The following PLXNA2 variants were observed in gnomAD, a reference collection of about 807,000 sequenced individuals.
PLXNA2 encodes plexin A2, also known as plexin-A2.
In PLXNA2, 91 loss-of-function variants were observed where a neutral mutation model predicts 193.5. That is an observed-to-expected ratio of 0.47 (90% CI 0.40 to 0.56). PLXNA2 has a LOEUF of 0.56. Among genes scored for constraint, PLXNA2 ranks in the 20% least tolerant of loss-of-function variants. PLXNA2 has a pLI of 0.00. For missense variants in PLXNA2, 1,995 were observed against 2,503.2 expected (o/e 0.80, Z 4.33); for synonymous variants, 997 against 1,027.3 (o/e 0.97, Z 0.56).
At chr1:208,205,529 C>A (rs1670689668) in intron 3 of PLXNA2, among the ~76,000 whole-genome samples, 1 of 152,208 alleles carries the variant, frequency 6.6e-6, no homozygotes, top group Admixed American at 6.5e-5. Context: ...AAGCCCACAC[C>A]CAGGGGACCT....
intron 4 of PLXNA2, among the ~76,000 whole-genome samples, chr1:208,141,991 G>A (rs1046009083): frequency 1.3e-5 from 2 of 152,170 alleles, no homozygotes; most frequent in African/African-American, 2.4e-5. Flanking sequence ...CACCTCTTTG[G>A]CTCCCTTGAG....
intron 4 of PLXNA2, among the ~76,000 whole-genome samples, chr1:208,120,660 T>C (rs1384378489): frequency 6.6e-6 from 1 of 152,230 alleles, no homozygotes; most frequent in Non-Finnish European, 1.5e-5. Context: ...TGCCTTTATG[T>C]AGTGCATTTC....
rs778662912 is a variant in PLXNA2, at chr1:208,054,438, G to C, written c.2839C>G (p.Gln947Glu). 6.2e-7 allele frequency: 1 copy of C among 1,613,764 alleles called. No individual in the cohort carries two copies. Among genetic ancestry groups the C allele is most frequent in the Non-Finnish European group, 8.5e-7 (1 of 1,179,602 alleles). ...CKPEFMTKSH[Q>E]QYTFVNPSVL... ...GTACTCACCACGAAGGTGTACTGCT[G>C]ATGGGACTTCGTCATGAACTCTGGC... is the stretch of plus-strand genomic sequence containing the variant. The change falls in exon 14 of 32, where the codon CAG (glutamine) becomes GAG (glutamate). Residue 947 changes from glutamine to glutamate, a missense_variant. By Grantham distance (29) the Gln-to-Glu change is conservative (BLOSUM62 2). This residue lies in a region of PLXNA2 where 1,291 missense variants were observed against 1,673.6 expected (regional missense o/e 0.77). Transcript: ENST00000367033.
intron 3 of PLXNA2, among the ~76,000 whole-genome samples, chr1:208,176,995 C>T (rs1259238290): frequency 7.1e-6 from 1 of 141,684 alleles, no homozygotes. Flanking sequence ...TGGCCTTTTG[C>T]CTCTTTCACA....
At chr1:208,170,710 C>T (rs543039926) in intron 3 of PLXNA2, among the ~76,000 whole-genome samples, 278 of 152,296 alleles carry the variant, frequency 1.8e-3, no homozygotes, top group Non-Finnish European at 2.6e-3. Flanking sequence ...TCAAAAATTG[C>T]CTTTTACCCT....
chr1:208,031,544 AGGCCTCT>A lies in PLXNA2; in HGVS notation c.5225+39_5225+45del, dbSNP rs760193124. On this transcript the variant is annotated intron_variant, in intron 29 of 31. Coordinates refer to ENST00000367033, the MANE Select transcript of PLXNA2 (RefSeq NM_025179.4). ...CCTGGTCCTCATCCCTCTTAGCTCC[AGGCCTCT>A]CCAGGCTGCACCTCCTGCTGAGCTC... The A allele has an allele frequency of 2.5e-6, 4 of 1,606,974 alleles. No homozygotes were observed. In the South Asian group the frequency reaches 3.3e-5, roughly 13 times the overall value.
At chr1:208,163,735 T>C (rs1669207520) in intron 3 of PLXNA2, among the ~76,000 whole-genome samples, 1 of 152,230 alleles carries the variant, frequency 6.6e-6, no homozygotes, top group Non-Finnish European at 1.5e-5. Context: ...TCTACAACAC[T>C]GGCCAGCCAT....
intron 8 of PLXNA2, among the ~76,000 whole-genome samples, chr1:208,093,293 G>T (rs1015951262): frequency 6.6e-6 from 1 of 152,180 alleles, no homozygotes; most frequent in Non-Finnish European, 1.5e-5. Flanking sequence ...CTGAATGCTG[G>T]TAGCTAAACA....
chr1:208,178,931 A>G (rs1398893781), intron 3 of PLXNA2, among the ~76,000 whole-genome samples: 1 of 152,234 alleles, frequency 6.6e-6, no homozygotes, highest in Non-Finnish European at 1.5e-5. Context: ...TTTGAGAACA[A>G]CTAGTTTAGG....
chr1:208,029,241 G>A, intron 29 of PLXNA2, 199 bp from the exon 30 acceptor site: 3 of 1,403,952 alleles, frequency 2.1e-6, no homozygotes, highest in Non-Finnish European at 2.8e-6. Flanking sequence ...GAGGCACTTT[G>A]TACCCTAATG....
At chr1:208,181,076 A>G (rs1390924016) in intron 3 of PLXNA2, among the ~76,000 whole-genome samples, 2 of 152,140 alleles carry the variant, frequency 1.3e-5, no homozygotes, top group Non-Finnish European at 2.9e-5. Context: ...TCAGATTTTA[A>G]TTTGCTGGAC....
intron 2 of PLXNA2, among the ~76,000 whole-genome samples, chr1:208,212,760 T>A (rs1053099724): frequency 9.2e-5 from 14 of 152,168 alleles, no homozygotes; most frequent in Non-Finnish European, 2.1e-4. Flanking sequence ...AGGTCAGAGT[T>A]ATCAGCTACA....
intron 6 of PLXNA2, among the ~76,000 whole-genome samples, chr1:208,098,458 TCACACACACACA>T (rs56677339): frequency 8.1e-5 from 10 of 123,428 alleles, no homozygotes; most frequent in Non-Finnish European, 1.3e-4. Flanking sequence ...TCTCTCTCTC[TCACACACACACA>T]CACACACACA....
At position 208,186,310 on chromosome 1, in the gene PLXNA2, T is replaced by A. The variant is rs1000121125; in HGVS notation, c.1371+23970A>T. On this transcript the variant is annotated intron_variant, in intron 3 of 31. Transcript: ENST00000367033. Reference sequence around the variant, plus strand: ...CCTGAAACAGGTTTCCTTTTCTTGATTTTTAAAGTGGGGGTTGGGAGAGGG... The same window carrying A: ...CCTGAAACAGGTTTCCTTTTCTTGAATTTTAAAGTGGGGGTTGGGAGAGGG... 2.0e-5 allele frequency among the ~76,000 whole-genome samples: 3 copies of A among 152,088 alleles called. 1 individual carries two copies. In the East Asian group the frequency reaches 5.8e-4, roughly 29 times the overall value.
intron 4 of PLXNA2, among the ~76,000 whole-genome samples, chr1:208,116,643 TA>T (rs1558200484): frequency 6.6e-6 from 1 of 152,154 alleles, no homozygotes. Flanking sequence ...CCTCACCACA[TA>T]CTCAACTGTA....
Position 208,197,908 on chromosome 1 carries a change from A to T in PLXNA2, c.1371+12372T>A, listed in dbSNP as rs557176973. On this transcript the variant is annotated intron_variant, in intron 3 of 31. Coordinates refer to ENST00000367033, the MANE Select transcript of PLXNA2 (RefSeq NM_025179.4). Reference sequence around the variant, plus strand: ...CCTCACCTTTGCTTGCTGGTATTTCAGTAAAAGGCCCAATACAAATATAGA... The same window carrying T: ...CCTCACCTTTGCTTGCTGGTATTTCTGTAAAAGGCCCAATACAAATATAGA... 2.0e-5 allele frequency among the ~76,000 whole-genome samples: 3 copies of T among 152,254 alleles called. No homozygotes were observed. The East Asian group carries it at 5.8e-4, about 30-fold the overall frequency.
intron 9 of PLXNA2, among the ~76,000 whole-genome samples, chr1:208,087,128 C>T (rs1029964857): frequency 6.6e-6 from 1 of 151,914 alleles, no homozygotes; most frequent in African/African-American, 2.4e-5. Context: ...TGAGCTTAGA[C>T]AACAAATTCA....
At chr1:208,070,650 G>A (rs1665948378) in intron 12 of PLXNA2, among the ~76,000 whole-genome samples, 1 of 152,208 alleles carries the variant, frequency 6.6e-6, no homozygotes, top group Non-Finnish European at 1.5e-5. Flanking sequence ...CTAGCTGCAG[G>A]TCAAATTTCA....
intron 9 of PLXNA2, among the ~76,000 whole-genome samples, chr1:208,091,880 A>AAG (rs1211057122): frequency 6.6e-6 from 1 of 151,930 alleles, no homozygotes; most frequent in Non-Finnish European, 1.5e-5. Context: ...AAAAAAAAAA[A>AAG]AAAGACTGTA....
Sources: allele counts gnomAD v4.1 joint callset (sites outside exome capture counted in the v4.1 genomes callset), GRCh38; gene constraint gnomAD v4.1.1; regional missense constraint gnomAD v4.1.1; transcripts MANE v1.5; gene names NCBI Gene and HGNC (gene_info 2026-07-23, HGNC 2026-07-21).